Variants in TMCO6 observed in about 807,000 individuals in gnomAD.
TMCO6 encodes the protein transmembrane and coiled-coil domains 6, also known as transmembrane and coiled-coil domain-containing protein 6.
A neutral mutation model predicts 61.8 loss-of-function variants in TMCO6; 47 were observed. The ratio of observed to expected loss-of-function variants is 0.76; its 90% CI spans 0.60 to 0.97. The LOEUF is 0.97. Among genes scored for constraint, TMCO6 ranks in the 50% least tolerant of loss-of-function variants. The pLI is 0.00. For synonymous variants in TMCO6, 261 were observed against 254.2 expected (o/e 1.03, Z -0.25); for missense variants, 557 against 601.6 (o/e 0.93, Z 0.78).
At chr5:140,627,406 A>T in the TMCO6 span, among the ~76,000 whole-genome samples, 1 of 152,196 alleles carries the variant, frequency 6.6e-6, no homozygotes, top group African/African-American at 2.4e-5. Flanking sequence ...TGATCATATC[A>T]AGGAAGCAGT....
At chr5:140,640,629 C>T (rs1756966368) in intron 2 of TMCO6, among the ~76,000 whole-genome samples, 1 of 152,130 alleles carries the variant, frequency 6.6e-6, no homozygotes, top group East Asian at 1.9e-4. Context: ...GAACACCTGG[C>T]CTCATGATCC....
At chr5:140,628,368 TC>T in the TMCO6 span, among the ~76,000 whole-genome samples, 1 of 152,176 alleles carries the variant, frequency 6.6e-6, no homozygotes, top group Admixed American at 6.5e-5. Context: ...TCTCATTTTA[TC>T]CAGCCCCTGT....
At chr5:140,629,205 G>T in the TMCO6 span, among the ~76,000 whole-genome samples, 2 of 152,000 alleles carry the variant, frequency 1.3e-5, no homozygotes, top group African/African-American at 4.8e-5. Flanking sequence ...AGATGCAGAA[G>T]TTGCAGTGAG....
At chr5:140,632,763 T>G in the TMCO6 span, 1 of 1,613,476 alleles carries the variant, frequency 6.2e-7, no homozygotes, top group Non-Finnish European at 8.5e-7. The surrounding 1 kb of genome is among the most constrained non-coding windows in gnomAD (Gnocchi z 6.2). Context: ...GGCGTCCGCA[T>G]CGACGCGCTT....
chr5:140,613,380 T>C, the TMCO6 span, among the ~76,000 whole-genome samples: 2 of 90,396 alleles, frequency 2.2e-5, no homozygotes, highest in Non-Finnish European at 3.8e-5. Context: ...AGAGTGAGAC[T>C]CTGACTAAAA....
chr5:140,598,210 G>GT, the TMCO6 span, among the ~76,000 whole-genome samples: 1 of 150,694 alleles, frequency 6.6e-6, no homozygotes, highest in South Asian at 2.1e-4. Flanking sequence ...TATTTTATTT[G>GT]GTTTTTTTTT....
the TMCO6 span, among the ~76,000 whole-genome samples, chr5:140,621,853 C>T: frequency 2.0e-5 from 3 of 152,140 alleles, no homozygotes; most frequent in Admixed American, 2.0e-4. Context: ...CCCCAGTCTC[C>T]CATAGCGCTC....
In TMCO6 at chr5:140,644,693, G is replaced by A. The variant is rs2149798822; in HGVS notation, c.1321G>A (p.Gly441Ser). The A allele has an allele frequency of 1.2e-6, 2 of 1,614,220 alleles. No individual in the cohort carries two copies. Among genetic ancestry groups the A allele is most frequent in the East Asian group, 2.2e-5 (1 of 44,886 alleles). Residue 441 changes from glycine to serine, a missense_variant, in exon 11 of 12, where the codon GGC (glycine) becomes AGC (serine). Coordinates refer to ENST00000394671, the MANE Select transcript of TMCO6 (RefSeq NM_018502.5). ...TLAFSDTEVV[G>S]QSLELLHLLF... Reference sequence around the variant, plus strand: ...AGCCTTTTCTGACACTGAAGTAGTAGGCCAGAGTTTGGAGCTGCTGCATCT... The same window carrying A: ...AGCCTTTTCTGACACTGAAGTAGTAAGCCAGAGTTTGGAGCTGCTGCATCT...
the TMCO6 span, among the ~76,000 whole-genome samples, chr5:140,612,374 C>T: frequency 1.4e-5 from 2 of 139,340 alleles, no homozygotes; most frequent in Non-Finnish European, 3.0e-5. Context: ...GAGTCTCGCT[C>T]TTTCACCCAG....
the TMCO6 span, among the ~76,000 whole-genome samples, chr5:140,619,577 C>T: frequency 1.3e-5 from 2 of 151,742 alleles, no homozygotes; most frequent in African/African-American, 4.8e-5. Context: ...TGTATAAAAA[C>T]AAACACACAA....
chr5:140,643,137 A>C, intron 7 of TMCO6, 96 bp downstream of exon 7: 1 of 1,539,882 alleles, frequency 6.5e-7, no homozygotes, highest in East Asian at 2.3e-5. Context: ...TGCTATAGTG[A>C]GTTTTCCTCC....
chr5:140,636,142 G>A (rs979558709), upstream of TMCO6, among the ~76,000 whole-genome samples: 6 of 152,146 alleles, frequency 3.9e-5, no homozygotes, highest in Admixed American at 6.5e-5. Flanking sequence ...GGGATTACAA[G>A]CACGTGCCAC....
chr5:140,627,893 C>A, the TMCO6 span, among the ~76,000 whole-genome samples: 1 of 150,684 alleles, frequency 6.6e-6, no homozygotes, highest in East Asian at 1.9e-4. Flanking sequence ...GAGGCTCCAT[C>A]TCAAAAAATA....
chr5:140,617,254 C>T, the TMCO6 span, among the ~76,000 whole-genome samples: 1,168 of 152,010 alleles, frequency 7.7e-3, 16 homozygotes, highest in African/African-American at 0.027. Flanking sequence ...GGTGAAACCC[C>T]GTCTCTACTA....
chr5:140,612,388 G>A, the TMCO6 span, among the ~76,000 whole-genome samples: 4 of 135,136 alleles, frequency 3.0e-5, no homozygotes, highest in African/African-American at 8.6e-5. Context: ...CACCCAGGCC[G>A]GAGTGCAGTG....
At chr5:140,611,998 G>T in the TMCO6 span, among the ~76,000 whole-genome samples, 1 of 152,204 alleles carries the variant, frequency 6.6e-6, no homozygotes, top group Non-Finnish European at 1.5e-5. Context: ...GACTGGATGG[G>T]AGAGAGCAAG....
chr5:140,598,714 C>T, the TMCO6 span, among the ~76,000 whole-genome samples: 1 of 152,148 alleles, frequency 6.6e-6, no homozygotes, highest in Non-Finnish European at 1.5e-5. Context: ...GCAGATGGAT[C>T]ACCTGAGGTC....
the TMCO6 span, among the ~76,000 whole-genome samples, chr5:140,622,669 T>A: frequency 6.7e-6 from 1 of 148,188 alleles, no homozygotes; most frequent in African/African-American, 2.5e-5. Context: ...AAATAAGAAA[T>A]GTGCTAGAAG....
chr5:140,604,319 A>G, the TMCO6 span, among the ~76,000 whole-genome samples: 2 of 151,996 alleles, frequency 1.3e-5, no homozygotes. Flanking sequence ...GCTTGAGCCC[A>G]GGAGGTAGAG....
Sources: allele counts gnomAD v4.1 joint callset (sites outside exome capture counted in the v4.1 genomes callset), GRCh38; gene constraint gnomAD v4.1.1; non-coding constraint Gnocchi (gnomAD v3.1); transcripts MANE v1.5; gene names NCBI Gene and HGNC (gene_info 2026-07-23, HGNC 2026-07-21).